Variants in GALNS observed in about 807,000 individuals in gnomAD.
The protein encoded by GALNS is galactosamine (N-acetyl)-6-sulfatase.
Under a neutral mutation model 65.9 loss-of-function variants are expected in GALNS, and 65 were observed. The observed-to-expected ratio is 0.99, with a 90% confidence interval of 0.81 to 1.21. GALNS has a LOEUF of 1.21. Among genes scored for constraint, GALNS ranks in the 50% most tolerant of loss-of-function variants. The pLI, the probability that GALNS is intolerant of heterozygous loss-of-function variation, is 0.00. For missense variants in GALNS, 776 were observed against 700.7 expected (o/e 1.11, Z -1.21); for synonymous variants, 346 against 288.9 (o/e 1.20, Z -2.00).
chr16:88,831,131 C>T (rs763811208), intron 9 of GALNS, among the ~76,000 whole-genome samples: 9 of 152,228 alleles, frequency 5.9e-5, no homozygotes, highest in Admixed American at 4.6e-4. Flanking sequence ...CAGTCCCCAC[C>T]GAGAGCCTTC....
Position 88,841,066 on chromosome 16 carries a change from G to A in GALNS, c.348C>T (p.Gly116=), listed in dbSNP as rs963843769. The part of the protein sequence containing the change: ...NAYTPQEIVG[G]IPDSEQLLPE... Reference sequence around the variant, plus strand: ...GCAGGAGCTGCTCCGAGTCTGGGATGCCGCCCACAATCTCCTGCGGTGTGT... The same window carrying A: ...GCAGGAGCTGCTCCGAGTCTGGGATACCGCCCACAATCTCCTGCGGTGTGT... The change falls in exon 4 of 14, where the codon GGC becomes GGT. Residue 116 remains glycine, a synonymous_variant. Transcript: ENST00000268695. The A allele has an allele frequency of 1.2e-6, 2 of 1,613,226 alleles. No individual in the cohort carries two copies. The highest frequency in any genetic ancestry group is 2.7e-5 in the African/African-American group (2 of 75,064).
intron 1 of GALNS, among the ~76,000 whole-genome samples, chr16:88,846,768 C>T (rs1967265887): frequency 6.6e-6 from 1 of 152,068 alleles, no homozygotes; most frequent in South Asian, 2.1e-4. Flanking sequence ...GTCTCGAACT[C>T]CTGACCTCCG....
intron 8 of GALNS, among the ~76,000 whole-genome samples, chr16:88,834,323 T>TC: frequency 8.1e-6 from 1 of 123,040 alleles, no homozygotes; most frequent in Non-Finnish European, 1.7e-5. Flanking sequence ...TGTAGGGCTC[T>TC]CCCCACCACG....
intron 13 of GALNS, chr16:88,816,289 G>A (rs1027853911): frequency 3.0e-6 from 3 of 985,414 alleles, no homozygotes; most frequent in Non-Finnish European, 3.6e-6. Context: ...TGCAGCCTGG[G>A]TCGTAGAGAA....
chr16:88,813,935 C>A lies in GALNS; in HGVS notation c.*504G>T, dbSNP rs1909364422. The A allele has an allele frequency of 4.9e-6, 1 of 203,544 alleles. No individual in the cohort carries two copies. Among genetic ancestry groups the A allele is most frequent in the Non-Finnish European group, 1.0e-5 (1 of 97,518 alleles). The allele number at this position is 203,544 out of a possible 1,614,324, so 12.6% of individuals were successfully genotyped here. On this transcript the variant is annotated 3_prime_UTR_variant, in exon 14 of 14. Coordinates refer to ENST00000268695, the MANE Select transcript of GALNS (RefSeq NM_000512.5). ...GATTGCCCCGTTCCCTTACTGTTTA[C>A]ATAAAAATGCGGATTCACTGGGCCA... is the stretch of plus-strand genomic sequence containing the variant.
intron 4 of GALNS, among the ~76,000 whole-genome samples, chr16:88,838,113 G>A (rs11648295): frequency 1.3e-5 from 2 of 152,014 alleles, no homozygotes; most frequent in African/African-American, 2.4e-5. Context: ...TTCCTTCCAC[G>A]TTTTCTGAAC....
rs116722990 is a variant in GALNS at position 88,840,914 on chromosome 16, T to C, written c.422+78A>G. ...AAGACACCCTCCTCATTTGGAAACT[T>C]GTGGCCATGTCCCTTGGAACCAAGG... is the stretch of plus-strand genomic sequence containing the variant. On this transcript the variant is annotated intron_variant, in intron 4 of 13. Transcript: ENST00000268695. 7,972 of 1,129,004 alleles carry C rather than the reference T, an allele frequency of 7.1e-3. 409 individuals are homozygous for C. In the African/African-American group the frequency reaches 0.11, roughly 15 times the overall value. The allele number at this position is 1,129,004 out of a possible 1,614,324, so 69.9% of individuals were successfully genotyped here.
intron 1 of GALNS, chr16:88,843,304 C>A: frequency 1.1e-6 from 1 of 934,376 alleles, no homozygotes; most frequent in Non-Finnish European, 1.5e-6. Context: ...TGTGACCCTG[C>A]AGTTCCACGC....
At chr16:88,831,244 G>A (rs1360095934) in intron 9 of GALNS, among the ~76,000 whole-genome samples, 2 of 150,072 alleles carry the variant, frequency 1.3e-5, no homozygotes, top group African/African-American at 4.9e-5. Flanking sequence ...TGCGTGGGGA[G>A]GAGAGCGGTG....
intron 1 of GALNS, chr16:88,843,129 T>C (rs1967064624): frequency 7.6e-6 from 11 of 1,441,852 alleles, no homozygotes; most frequent in Non-Finnish European, 1.0e-5. Flanking sequence ...GGGGAATGTG[T>C]CCGTCTGCCT....
intron 1 of GALNS, among the ~76,000 whole-genome samples, chr16:88,851,335 C>T (rs1473150272): frequency 1.3e-5 from 2 of 152,162 alleles, no homozygotes; most frequent in Non-Finnish European, 2.9e-5. Context: ...GTCTCACAGA[C>T]AGACACTGTC....
At chr16:88,847,235 G>C (rs1016524513) in intron 1 of GALNS, among the ~76,000 whole-genome samples, 1 of 152,126 alleles carries the variant, frequency 6.6e-6, no homozygotes, top group African/African-American at 2.4e-5. Context: ...GCTGGGCATG[G>C]TGGCACACAC....
chr16:88,836,611 G>A (rs557963548), intron 5 of GALNS, among the ~76,000 whole-genome samples: 21 of 151,568 alleles, frequency 1.4e-4, no homozygotes, highest in African/African-American at 3.4e-4. Context: ...CCGAGATCGC[G>A]CCACTGCAAT....
chr16:88,853,821 C>T lies in GALNS; in HGVS notation c.120+2937G>A, dbSNP rs189087993. On this transcript the variant is annotated intron_variant, in intron 1 of 13. Transcript: ENST00000268695. ...CAGCCCTGGGGAGTGCAGGTAGACC[C>T]GTCCTTGCCCGGCTCAGCTCCCCCT... is the stretch of plus-strand genomic sequence containing the variant. Among the ~76,000 whole-genome samples the T allele has an allele frequency of 1.1e-4, 16 of 152,226 alleles. No individual in the cohort carries two copies. The East Asian group carries it at 2.1e-3, about 20-fold the overall frequency.
chr16:88,837,808 G>T (rs377522256), intron 4 of GALNS, 43 bp from the exon 5 acceptor site: 8 of 1,609,766 alleles, frequency 5.0e-6, no homozygotes, highest in African/African-American at 1.3e-5. Flanking sequence ...CCCACGTGGG[G>T]ACACTCGGAA....
At chr16:88,851,253 T>C (rs1407751833) in intron 1 of GALNS, among the ~76,000 whole-genome samples, 1 of 152,130 alleles carries the variant, frequency 6.6e-6, no homozygotes, top group African/African-American at 2.4e-5. Context: ...GTGGTTCACG[T>C]CTGTTATCCC....
chr16:88,825,903 C>T (rs778372471), intron 10 of GALNS, among the ~76,000 whole-genome samples: 32 of 152,346 alleles, frequency 2.1e-4, no homozygotes, highest in Middle Eastern at 3.4e-3. Context: ...CCGTCCCCAC[C>T]TTGCTTCCCG....
At chr16:88,822,153 G>A (rs971293560) in intron 12 of GALNS, among the ~76,000 whole-genome samples, 7 of 152,140 alleles carry the variant, frequency 4.6e-5, no homozygotes, top group Admixed American at 6.5e-5. Flanking sequence ...AGGTGATGGC[G>A]CAGACTCCGG....
chr16:88,828,036 C>T (rs539598114), intron 9 of GALNS, among the ~76,000 whole-genome samples: 11 of 152,346 alleles, frequency 7.2e-5, no homozygotes, highest in East Asian at 3.9e-4. Context: ...CAGCCGCTCA[C>T]GGGATGTGGG....
Sources: allele counts gnomAD v4.1 joint callset (sites outside exome capture counted in the v4.1 genomes callset), GRCh38; gene constraint gnomAD v4.1.1; transcripts MANE v1.5; gene names NCBI Gene and HGNC (gene_info 2026-07-23, HGNC 2026-07-21).